The following FRMD4A variants were observed in gnomAD, a reference collection of about 807,000 sequenced individuals.
FRMD4A encodes the protein FERM domain-containing protein 4A.
In FRMD4A, 29 loss-of-function variants were observed where a neutral mutation model predicts 129.1. That is an observed-to-expected ratio of 0.22 (90% CI 0.17 to 0.31). The LOEUF is 0.31. FRMD4A is among the 10% of genes least tolerant of loss of function. The pLI is 1.00. For synonymous variants in FRMD4A, 634 were observed against 571.6 expected, an observed-to-expected ratio of 1.11 and a Z score of -1.56; for missense variants, 1,272 against 1,375.8, an observed-to-expected ratio of 0.92 and a Z score of 1.19.
chr10:14,117,599 C>G (rs1199008088), intron 2 of FRMD4A, among the ~76,000 whole-genome samples: 3 of 152,178 alleles, frequency 2.0e-5, no homozygotes. Flanking sequence ...CAAATGGCAG[C>G]ATTGCTAGGT....
At chr10:13,734,320 C>T (rs920980752) in intron 12 of FRMD4A, among the ~76,000 whole-genome samples, 5 of 152,126 alleles carry the variant, frequency 3.3e-5, no homozygotes, top group Admixed American at 1.3e-4. Context: ...AAGCAGTTTC[C>T]GGAGAGTGCT....
At chr10:13,894,457 C>A (rs548980582) in intron 2 of FRMD4A, among the ~76,000 whole-genome samples, 3 of 152,318 alleles carry the variant, frequency 2.0e-5, no homozygotes, top group South Asian at 2.1e-4. Context: ...AGCTACAGAA[C>A]CCTCTTCCAG....
At chr10:13,711,726 G>A (rs1274758744) in intron 12 of FRMD4A, among the ~76,000 whole-genome samples, 2 of 152,198 alleles carry the variant, frequency 1.3e-5, no homozygotes, top group African/African-American at 2.4e-5. Flanking sequence ...AAAAAGCCCT[G>A]CAAACATCGT....
chr10:14,122,134 G>A (rs2131812315), intron 2 of FRMD4A, among the ~76,000 whole-genome samples: 1 of 152,294 alleles, frequency 6.6e-6, no homozygotes, highest in East Asian at 1.9e-4. Flanking sequence ...AAGCTGCATT[G>A]TCTCCATTTG....
chr10:13,685,063 C>T lies in FRMD4A; in HGVS notation c.1117+8835G>A, dbSNP rs899901806. The T allele has an allele frequency of 3.0e-6, 3 of 984,520 alleles. No homozygotes were observed. In the African/African-American group the frequency reaches 5.2e-5, roughly 17 times the overall value. 61.0% of individuals were successfully genotyped at this position (984,520 alleles called of 1,614,324 possible). On this transcript the variant is annotated intron_variant, in intron 15 of 24. Coordinates refer to ENST00000357447, the MANE Select transcript of FRMD4A (RefSeq NM_018027.5). ...CTTACATAAAAGATGTCCCAGGAGACCACGGGAAATAATGCCACATTGCAG... is the reference window on the plus strand; with the variant it reads ...CTTACATAAAAGATGTCCCAGGAGATCACGGGAAATAATGCCACATTGCAG...
chr10:14,127,999 TC>T (rs1838986543), intron 2 of FRMD4A, among the ~76,000 whole-genome samples: 1 of 101,050 alleles, frequency 9.9e-6, no homozygotes, highest in African/African-American at 4.6e-5. Flanking sequence ...TCTCTCTCTC[TC>T]TTTCTTTCTT....
chr10:14,099,492 T>C (rs986719371), intron 2 of FRMD4A, among the ~76,000 whole-genome samples: 1 of 152,206 alleles, frequency 6.6e-6, no homozygotes, highest in African/African-American at 2.4e-5. Context: ...CCTGCCTATG[T>C]CCAAATCCAG....
intron 2 of FRMD4A, among the ~76,000 whole-genome samples, chr10:14,209,403 T>C: frequency 6.6e-6 from 1 of 152,080 alleles, no homozygotes; most frequent in East Asian, 1.9e-4. Context: ...CACCTCAAGA[T>C]GTGATCATCT....
intron 2 of FRMD4A, among the ~76,000 whole-genome samples, chr10:14,140,164 C>T (rs551032943): frequency 2.6e-5 from 4 of 152,110 alleles, no homozygotes; most frequent in East Asian, 1.9e-4. Flanking sequence ...CAGGTTCAAG[C>T]GATTCTCCCA....
intron 12 of FRMD4A, among the ~76,000 whole-genome samples, chr10:13,713,158 G>C (rs1484014825): frequency 6.6e-6 from 1 of 152,188 alleles, no homozygotes; most frequent in African/African-American, 2.4e-5. Context: ...ATCTCCCTAT[G>C]AGTAACTTCC....
intron 8 of FRMD4A, among the ~76,000 whole-genome samples, chr10:13,750,113 A>AAAGAAAGAAAGAAAAG (rs71388113): frequency 1.8e-5 from 2 of 108,160 alleles, no homozygotes; most frequent in African/African-American, 3.5e-5. Context: ...AGAAATGAAG[A>AAAGAAAGAAAGAAAAG]AAGAAAGAAA....
chr10:13,972,415 G>C (rs2095523804), intron 2 of FRMD4A: 1 of 624,574 alleles, frequency 1.6e-6, no homozygotes, highest in Non-Finnish European at 2.0e-6. Context: ...ATTTTCTTTG[G>C]AAGCGTCCCA....
intron 2 of FRMD4A, among the ~76,000 whole-genome samples, chr10:13,875,511 T>C (rs1018810928): frequency 2.0e-5 from 3 of 152,320 alleles, no homozygotes; most frequent in Non-Finnish European, 4.4e-5. Flanking sequence ...GGTCATATTG[T>C]TTACAGTTTT....
intron 2 of FRMD4A, among the ~76,000 whole-genome samples, chr10:13,929,998 G>T (rs1352840755): frequency 1.3e-5 from 2 of 152,018 alleles, no homozygotes; most frequent in Admixed American, 1.3e-4. Flanking sequence ...TAACCAAAAG[G>T]ATTATAATAA....
At chr10:14,021,476 G>T (rs189994755) in intron 2 of FRMD4A, among the ~76,000 whole-genome samples, 42 of 152,210 alleles carry the variant, frequency 2.8e-4, no homozygotes, top group African/African-American at 9.9e-4. Context: ...AGGATTGTTT[G>T]AGCCCAGGAG....
intron 9 of FRMD4A, chr10:13,744,385 T>C (rs2091183630): frequency 6.6e-6 from 1 of 152,202 alleles, no homozygotes; most frequent in Non-Finnish European, 1.5e-5. Flanking sequence ...AGTCCATGCT[T>C]GTTAAATGCA....
chr10:13,699,224 GTTTT>G lies in FRMD4A; in HGVS notation c.975+2112_975+2115del, dbSNP rs1168489802. Among the ~76,000 whole-genome samples, 18 of 76,268 alleles carry G rather than the reference GTTTT, an allele frequency of 2.4e-4. No individual in the cohort carries two copies. In the South Asian group the frequency reaches 9.5e-3, roughly 40 times the overall value. The allele number at this position is 76,268 out of a possible 152,430, so 50.0% of individuals were successfully genotyped here. A position where few individuals can be genotyped will look rare whatever the true frequency, so the allele number is the denominator to read the frequency against. ...ATGCCTGCCACGATGCTTGGTTATT[GTTTT>G]TTTTTTTTTTTTTTTTTTTTGTATT... On this transcript the variant is annotated intron_variant, in intron 14 of 24. Transcript: ENST00000357447.
chr10:14,179,299 A>G (rs1257877718), intron 2 of FRMD4A, among the ~76,000 whole-genome samples: 4 of 152,176 alleles, frequency 2.6e-5, no homozygotes, highest in African/African-American at 4.8e-5. Flanking sequence ...ATTGTGACCT[A>G]AGCACCGTGA....
At chr10:13,942,928 T>A (rs561982504) in intron 2 of FRMD4A, among the ~76,000 whole-genome samples, 37 of 151,142 alleles carry the variant, frequency 2.4e-4, no homozygotes, top group African/African-American at 9.0e-4. Flanking sequence ...TGAGACTCCA[T>A]CTCAACAAAA....
Sources: gnomAD v4.1 joint callset for allele counts (sites outside exome capture counted in the v4.1 genomes callset) on GRCh38, gnomAD v4.1.1 for gene constraint, MANE v1.5 for transcripts, NCBI Gene and HGNC (gene_info 2026-07-23, HGNC 2026-07-21) for gene names.